ZNF211: variants seen among roughly 807,000 people sequenced by gnomAD.
ZNF211 encodes the protein zinc finger protein C2H2-25.
In ZNF211, 18 loss-of-function variants were observed where a neutral mutation model predicts 12.1. The ratio of observed to expected loss-of-function variants is 1.48; its 90% confidence interval spans 1.03 to 2.20. The LOEUF (loss-of-function observed/expected upper bound fraction) is 2.20. Ranked by LOEUF, ZNF211 falls within the 30% of genes most tolerant of loss-of-function variation. The pLI is 0.00. For synonymous variants in ZNF211, 249 were observed against 246.0 expected, an observed-to-expected ratio of 1.01 and a Z score of -0.11; for missense variants, 677 against 703.1, an observed-to-expected ratio of 0.96 and a Z score of 0.42.
intron 3 of ZNF211, among the ~76,000 whole-genome samples, chr19:57,636,533 G>C (rs943493554): frequency 1.3e-5 from 2 of 152,070 alleles, no homozygotes; most frequent in Admixed American, 6.6e-5. Context: ...GATATTTGAG[G>C]GTTTATTTCT....
chr19:57,636,965 A>G (rs538242061), intron 3 of ZNF211, among the ~76,000 whole-genome samples: 1 of 152,184 alleles, frequency 6.6e-6, no homozygotes, highest in Non-Finnish European at 1.5e-5. Context: ...TCTTTTTGAT[A>G]TAAGTGGAAT....
In ZNF211 at chr19:57,634,738, C is replaced by T. The variant is rs142587616; in HGVS notation, c.239C>T (p.Ala80Val). Residue 80 changes from alanine to valine, a missense_variant, in exon 3 of 4, where the codon GCA (alanine) becomes GTA (valine). By Grantham distance (64) the Ala-to-Val change is moderately conservative. Coordinates refer to ENST00000240731, the MANE Select transcript of ZNF211 (RefSeq NM_006385.5). Reference protein sequence around the residue: ...LYFDVMLENFALTSSLGCWCG... With the variant: ...LYFDVMLENFVLTSSLGCWCG... Reference sequence around the variant, plus strand: ...TTCGATGTGATGCTGGAGAACTTTGCACTTACGTCCTCCCTGGGTAAGGCC... The same window carrying T: ...TTCGATGTGATGCTGGAGAACTTTGTACTTACGTCCTCCCTGGGTAAGGCC... The T allele has an allele frequency of 4.1e-5, 66 of 1,600,074 alleles. No homozygotes were observed. Among genetic ancestry groups the T allele is most frequent in the Middle Eastern group, 1.7e-4 (1 of 6,018 alleles).
chr19:57,642,090 G>A lies in ZNF211; in HGVS notation c.1643G>A (p.Arg548Lys), dbSNP rs1475802156. The A allele has an allele frequency of 8.7e-6, 14 of 1,614,026 alleles. No individual in the cohort carries two copies. Among genetic ancestry groups the A allele is most frequent in the Non-Finnish European group, 1.1e-5 (13 of 1,179,996 alleles). ...IQHRRVHTGK[R>K]PYQCSQCGKS... ...CACCGCAGAGTTCACACGGGAAAAA[G>A]GCCTTATCAGTGCAGTCAATGTGGG... The change falls in exon 4 of 4, where the codon AGG becomes AAG. Residue 548 changes from arginine to lysine, a missense_variant. Physicochemically the swap from Arg to Lys is conservative, Grantham distance 26. Transcript: ENST00000240731.
chr19:57,642,796 T>A lies in ZNF211; in HGVS notation c.*615T>A, dbSNP rs1193517583. 1 of 152,542 alleles carries A rather than the reference T, an allele frequency of 6.6e-6. No individual in the cohort carries two copies. The highest frequency in any genetic ancestry group is 1.5e-5 in the Non-Finnish European group (1 of 68,320). 9.4% of individuals were successfully genotyped at this position (152,542 alleles called of 1,614,324 possible). On this transcript the variant is annotated 3_prime_UTR_variant, in exon 4 of 4. Transcript: ENST00000240731. ...TTTATCTTGGCATTTGATTCACTCT[T>A]TGAGGTGGTTCAAAAACAGAATCGG... is the stretch of plus-strand genomic sequence containing the variant.
chr19:57,641,203 C>T lies in ZNF211; in HGVS notation c.756C>T (p.Ser252=). Residue 252 remains serine (S), a synonymous_variant, in exon 4 of 4, where the codon AGC becomes AGT. Coordinates refer to ENST00000240731, the MANE Select transcript of ZNF211 (RefSeq NM_006385.5). The part of the protein sequence containing the change: ...HNWGKCSKAF[S]HIDTLVQDQR... ...GGGGAAAATGCAGTAAAGCCTTTAGCCACATAGACACACTTGTTCAGGACC... is the reference window on the plus strand; with the variant it reads ...GGGGAAAATGCAGTAAAGCCTTTAGTCACATAGACACACTTGTTCAGGACC... 6 of 1,614,192 alleles carry T rather than the reference C, an allele frequency of 3.7e-6. No homozygotes were observed. The highest frequency in any genetic ancestry group is 5.1e-6 in the Non-Finnish European group (6 of 1,180,042).
intron 1 of ZNF211, 38 bp from the exon 2 acceptor site, chr19:57,633,985 C>G: frequency 1.3e-6 from 2 of 1,597,232 alleles, no homozygotes; most frequent in South Asian, 1.1e-5. Context: ...GGAGCACTGC[C>G]ATGATCACAT....
At position 57,642,200 on chromosome 19, in the gene ZNF211, A is replaced by G. The variant is rs577339040; in HGVS notation, c.*19A>G. The G allele has an allele frequency of 2.5e-5, 39 of 1,567,336 alleles. No individual in the cohort carries two copies. The highest frequency in any genetic ancestry group is 1.2e-4 in the African/African-American group (9 of 73,596). ...GCCTTAGCTGTACTGAGAATATGCA[A>G]TTTCCTTTTAGTGTAATTATACTGA... On this transcript the variant is annotated 3_prime_UTR_variant, in exon 4 of 4. Transcript: ENST00000240731.
rs1983042117 is a variant in ZNF211 at position 57,642,077 on chromosome 19, CA to C, written c.1631del (p.His544ProfsTer93). The C allele has an allele frequency of 6.2e-7, 1 of 1,614,138 alleles. No individual in the cohort carries two copies. The highest frequency in any genetic ancestry group is 2.2e-5 in the East Asian group (1 of 44,886). On this transcript the variant is annotated frameshift_variant, in exon 4 of 4. Coordinates refer to ENST00000240731, the MANE Select transcript of ZNF211 (RefSeq NM_006385.5). LOFTEE classifies it low-confidence loss of function (END_TRUNC). The stretch of plus-strand genomic sequence containing the variant: ...TAGCCTCATTCAACACCGCAGAGTT[CA>C]CACGGGAAAAAGGCCTTATCAGTGC... ...SSSLIQHRRV[H>X]TGKRPYQCSQ... is the part of the protein sequence containing the mutation.
At position 57,633,295 on chromosome 19, in the gene ZNF211, A is replaced by G; in HGVS notation, c.-52A>G. 2.1e-6 allele frequency: 3 copies of G among 1,457,076 alleles called. No homozygotes were observed. Among genetic ancestry groups the G allele is most frequent in the Non-Finnish European group, 2.7e-6 (3 of 1,094,858 alleles). The allele number at this position is 1,457,076 out of a possible 1,614,324, so 90.3% of individuals were successfully genotyped here. ...GACGGACCGTGAAGGCGCGAGAGTC[A>G]GGTCTGAGGGTCGGGGGCAGAGCCG... On this transcript the variant is annotated 5_prime_UTR_variant, in exon 1 of 4. Transcript: ENST00000240731.
At chr19:57,639,921 C>T (rs1982665918) in intron 3 of ZNF211, 1 of 1,535,208 alleles carries the variant, frequency 6.5e-7, no homozygotes, top group Non-Finnish European at 8.7e-7. Context: ...GGACTTATAT[C>T]ATCCTGGTCT....
rs10408464 is a variant in ZNF211 at position 57,643,457 on chromosome 19, A to G, written c.*1276A>G. Reference sequence around the variant, plus strand: ...GCCTTTCTGGGATGTGCACCTCAAGAACATTGCTGCATAGGCCAGGAAAAC... The same window carrying G: ...GCCTTTCTGGGATGTGCACCTCAAGGACATTGCTGCATAGGCCAGGAAAAC... On this transcript the variant is annotated 3_prime_UTR_variant, in exon 4 of 4. Coordinates refer to ENST00000240731, the MANE Select transcript of ZNF211 (RefSeq NM_006385.5). Among the ~76,000 whole-genome samples, 32,972 of 152,058 alleles carry G rather than the reference A, an allele frequency of 0.22. 3,959 individuals carry two copies. Among genetic ancestry groups the G allele is most frequent in the East Asian group, 0.32 (1,650 of 5,176 alleles).
At chr19:57,633,647 G>A (rs1451997288) in intron 1 of ZNF211, 1 of 1,533,994 alleles carries the variant, frequency 6.5e-7, no homozygotes, top group African/African-American at 1.4e-5. Flanking sequence ...GGGGCATTCA[G>A]GAACCTGGGC....
intron 3 of ZNF211, among the ~76,000 whole-genome samples, chr19:57,637,486 C>T (rs1201928179): frequency 6.6e-6 from 1 of 152,082 alleles, no homozygotes; most frequent in East Asian, 1.9e-4. Context: ...AGCTCCTGGC[C>T]GCAAGCGATC....
At chr19:57,633,537 G>T (rs936747104) in intron 1 of ZNF211, 101 bp downstream of exon 1, 299 of 1,495,746 alleles carry the variant, frequency 2.0e-4, no homozygotes, top group Non-Finnish European at 2.6e-4. Context: ...GGGACACTGA[G>T]GCTCGTGGGT....
chr19:57,633,863 C>T (rs1417170253), intron 1 of ZNF211, 160 bp from the exon 2 acceptor site: 6 of 1,603,706 alleles, frequency 3.7e-6, no homozygotes, highest in Non-Finnish European at 5.1e-6. Flanking sequence ...TTTCCAAGGC[C>T]ACACAACTGG....
At chr19:57,633,866 A>C in intron 1 of ZNF211, 157 bp from the exon 2 acceptor site, 1 of 1,604,842 alleles carries the variant, frequency 6.2e-7, no homozygotes, top group Non-Finnish European at 8.5e-7. Flanking sequence ...CCAAGGCCAC[A>C]CAACTGGTGA....
chr19:57,641,672 C>T lies in ZNF211; in HGVS notation c.1225C>T (p.Pro409Ser). The T allele has an allele frequency of 6.2e-7, 1 of 1,613,968 alleles. No individual in the cohort carries two copies. The highest frequency in any genetic ancestry group is 8.5e-7 in the Non-Finnish European group (1 of 1,179,894). ...CCAGAGAGTTCACACTGGAGAAAGA[C>T]CTCATGAGTGCAATGAATGTGGAAA... ...YHQRVHTGER[P>S]HECNECGKSF... The change falls in exon 4 of 4, where the codon CCT becomes TCT. Residue 409 changes from proline (P) to serine (S), a missense_variant. Transcript: ENST00000240731.
Position 57,635,686 on chromosome 19 carries a change from A to G in ZNF211, c.256+931A>G, listed in dbSNP as rs137967605. Among the ~76,000 whole-genome samples, 26 of 152,328 alleles carry G rather than the reference A, an allele frequency of 1.7e-4. No individual in the cohort carries two copies. In the East Asian group the frequency reaches 2.5e-3, roughly 15 times the overall value. On this transcript the variant is annotated intron_variant, in intron 3 of 3. Coordinates refer to ENST00000240731, the MANE Select transcript of ZNF211 (RefSeq NM_006385.5). ...CCTTCTGGCTGTTGTGAATAATATT[A>G]CTGTGAACATGGGTGTACAGATACG...
Position 57,641,577 on chromosome 19 carries a change from CTG to C in ZNF211, c.1131_1132del (p.Gly378ArgfsTer5). ...CTCATGCAGCATCGCAGAGTTCACA[CTG>C]GAGAAAGGCCTTATGAATGCAGCGA... On this transcript the variant is annotated frameshift_variant, in exon 4 of 4. Transcript: ENST00000240731. LOFTEE classifies it low-confidence loss of function (END_TRUNC). The C allele has an allele frequency of 1.9e-6, 3 of 1,613,870 alleles. No homozygotes were observed. Among genetic ancestry groups the C allele is most frequent in the Non-Finnish European group, 2.5e-6 (3 of 1,179,980 alleles).
Sources: allele counts gnomAD v4.1 joint callset (sites outside exome capture counted in the v4.1 genomes callset), GRCh38; gene constraint gnomAD v4.1.1; transcripts MANE v1.5; gene names NCBI Gene and HGNC (gene_info 2026-07-23, HGNC 2026-07-21).